The following IQGAP2 variants were observed in gnomAD, a reference collection of about 807,000 sequenced individuals.
IQGAP2 encodes ras GTPase-activating-like protein IQGAP2.
Under a neutral mutation model 201.3 loss-of-function variants are expected in IQGAP2, and 173 were observed. The observed-to-expected ratio is 0.86, with a 90% CI of 0.76 to 0.98. The LOEUF (loss-of-function observed/expected upper bound fraction) is 0.98. Ranked by LOEUF, IQGAP2 falls within the 50% of genes least tolerant of loss-of-function variation. The pLI is 0.00. For synonymous variants in IQGAP2, 675 were observed against 673.9 expected (o/e 1.00, Z -0.03); for missense variants, 1,687 against 1,864.8 (o/e 0.90, Z 1.76).
At chr5:76,614,309 G>A (rs1748700334) in intron 13 of IQGAP2, among the ~76,000 whole-genome samples, 1 of 152,138 alleles carries the variant, frequency 6.6e-6, no homozygotes, top group Non-Finnish European at 1.5e-5. Flanking sequence ...TTCATGGTGT[G>A]ATTAGAGCAT....
At chr5:76,692,549 C>A (rs1323463560) in intron 30 of IQGAP2, among the ~76,000 whole-genome samples, 1 of 152,068 alleles carries the variant, frequency 6.6e-6, no homozygotes, top group Non-Finnish European at 1.5e-5. Context: ...TATGTTAAAA[C>A]CTTTGTACGT....
intron 2 of IQGAP2, among the ~76,000 whole-genome samples, chr5:76,536,482 G>A (rs970292883): frequency 8.6e-5 from 13 of 151,698 alleles, no homozygotes; most frequent in Non-Finnish European, 1.5e-4. Flanking sequence ...TAATACAGCC[G>A]GGCACGGTGG....
intron 2 of IQGAP2, among the ~76,000 whole-genome samples, chr5:76,545,063 C>CATAT (rs1395913901): frequency 6.6e-6 from 1 of 151,964 alleles, no homozygotes; most frequent in Admixed American, 6.6e-5. Flanking sequence ...GTTATCTCTA[C>CATAT]ATATACATAC....
At chr5:76,450,693 A>G (rs1753687062) in intron 1 of IQGAP2, among the ~76,000 whole-genome samples, 1 of 152,148 alleles carries the variant, frequency 6.6e-6, no homozygotes, top group South Asian at 2.1e-4. Flanking sequence ...GTGTTTTATG[A>G]CTTCTCATGA....
Position 76,600,826 on chromosome 5 carries a change from CGAG to C in IQGAP2, c.1090_1092del (p.Glu364del). The C allele has an allele frequency of 6.2e-7, 1 of 1,614,054 alleles. No individual in the cohort carries two copies. The highest frequency in any genetic ancestry group is 1.1e-5 in the South Asian group (1 of 91,070). Reference sequence around the variant, plus strand: ...TTTTCCAACAGAACTACTTGGCCCACGAGGAGCTTTTGATTGCTGTGGAAATGT... The same window carrying C: ...TTTTCCAACAGAACTACTTGGCCCACGAGCTTTTGATTGCTGTGGAAATGT... On this transcript the variant is annotated inframe_deletion, in exon 11 of 36. Coordinates refer to ENST00000274364, the MANE Select transcript of IQGAP2 (RefSeq NM_006633.5).
Position 76,627,526 on chromosome 5 carries a change from G to A in IQGAP2, c.1612+26G>A, listed in dbSNP as rs746789273. On this transcript the variant is annotated intron_variant, in intron 14 of 35. Transcript: ENST00000274364. ...GTAAGCCCTCACCTCCTTTGCTCTTGAAACTTGCCTTTTTGGATTTGGTTA... is the reference window on the plus strand; with the variant it reads ...GTAAGCCCTCACCTCCTTTGCTCTTAAAACTTGCCTTTTTGGATTTGGTTA... 8 of 1,279,244 alleles carry A rather than the reference G, an allele frequency of 6.3e-6. No individual in the cohort carries two copies. In the East Asian group the frequency reaches 1.6e-4, roughly 26 times the overall value. 79.2% of individuals were successfully genotyped at this position (1,279,244 alleles called of 1,614,324 possible). A position where few individuals can be genotyped will look rare whatever the true frequency, so the allele number is the denominator to read the frequency against.
chr5:76,470,152 C>G (rs1424209912), intron 2 of IQGAP2, among the ~76,000 whole-genome samples: 1 of 152,192 alleles, frequency 6.6e-6, no homozygotes, highest in Non-Finnish European at 1.5e-5. Context: ...AGTCTTCCCT[C>G]AGTTGCTCAC....
chr5:76,542,841 A>G (rs1327188438), intron 2 of IQGAP2, among the ~76,000 whole-genome samples: 1 of 152,162 alleles, frequency 6.6e-6, no homozygotes, highest in Non-Finnish European at 1.5e-5. Context: ...TTGCCACCTA[A>G]TTGTAGGCCT....
intron 2 of IQGAP2, among the ~76,000 whole-genome samples, chr5:76,509,029 ATGTGTGTGTGTGTG>A (rs70982616): frequency 1.3e-5 from 2 of 148,852 alleles, no homozygotes; most frequent in East Asian, 2.0e-4. Context: ...CTGTATATAT[ATGTGTGTGTGTGTG>A]TGTGTGTGTG....
At chr5:76,421,295 G>C (rs749393401) in intron 1 of IQGAP2, among the ~76,000 whole-genome samples, 2 of 151,954 alleles carry the variant, frequency 1.3e-5, no homozygotes, top group Non-Finnish European at 2.9e-5. Context: ...TTCTTCACAC[G>C]AGATAAAGAG....
intron 2 of IQGAP2, among the ~76,000 whole-genome samples, chr5:76,514,619 G>A (rs1758196261): frequency 6.6e-6 from 1 of 152,146 alleles, no homozygotes; most frequent in African/African-American, 2.4e-5. Context: ...CCTGCATCAC[G>A]TGGTCTGTCC....
At chr5:76,461,534 CT>C in intron 1 of IQGAP2, 35 bp from the exon 2 acceptor site, 1 of 1,475,882 alleles carries the variant, frequency 6.8e-7, no homozygotes, top group South Asian at 1.1e-5. Context: ...TGAAGACTGC[CT>C]TTGTAAATCA....
chr5:76,515,726 A>G (rs529127633), intron 2 of IQGAP2, among the ~76,000 whole-genome samples: 15 of 152,318 alleles, frequency 9.8e-5, no homozygotes, highest in African/African-American at 3.6e-4. Flanking sequence ...AATACTGCAT[A>G]TACTGTGCTT....
intron 2 of IQGAP2, among the ~76,000 whole-genome samples, chr5:76,561,882 G>A (rs1437899907): frequency 1.3e-5 from 2 of 152,158 alleles, no homozygotes; most frequent in Non-Finnish European, 2.9e-5. Flanking sequence ...AAGAAGCCTT[G>A]TCTGCTTCCT....
intron 2 of IQGAP2, among the ~76,000 whole-genome samples, chr5:76,552,254 C>T (rs1333736247): frequency 2.0e-5 from 3 of 152,142 alleles, no homozygotes; most frequent in South Asian, 2.1e-4. Flanking sequence ...GGTAGAACCC[C>T]GTCTCTATTC....
intron 4 of IQGAP2, among the ~76,000 whole-genome samples, chr5:76,573,117 T>C (rs1446853426): frequency 6.6e-6 from 1 of 152,248 alleles, no homozygotes; most frequent in East Asian, 1.9e-4. Context: ...GGCTGGATGA[T>C]AAACCGATTA....
intron 30 of IQGAP2, among the ~76,000 whole-genome samples, chr5:76,686,247 C>T (rs1745728131): frequency 6.7e-6 from 1 of 149,774 alleles, no homozygotes; most frequent in Non-Finnish European, 1.5e-5. Context: ...TATTTTTGCC[C>T]CTTGTGTGGG....
At chr5:76,514,975 G>A (rs376228207) in intron 2 of IQGAP2, among the ~76,000 whole-genome samples, 1 of 152,174 alleles carries the variant, frequency 6.6e-6, no homozygotes, top group African/African-American at 2.4e-5. Context: ...TTATTGTGAC[G>A]TACAGTGCAA....
intron 1 of IQGAP2, among the ~76,000 whole-genome samples, chr5:76,432,637 AAGT>A (rs1752440663): frequency 1.3e-5 from 2 of 152,264 alleles, no homozygotes; most frequent in Non-Finnish European, 2.9e-5. Flanking sequence ...GTCAGACAAG[AAGT>A]AGTAAGAATA....
Sources: allele counts gnomAD v4.1 joint callset (sites outside exome capture counted in the v4.1 genomes callset), GRCh38; gene constraint gnomAD v4.1.1; transcripts MANE v1.5; gene names NCBI Gene and HGNC (gene_info 2026-07-23, HGNC 2026-07-21).